The following ELAPOR2 variants were observed in gnomAD, a reference collection of about 807,000 sequenced individuals.
ELAPOR2 encodes endosome-lysosome associated apoptosis and autophagy regulator family member 2, also known as endosome/lysosome-associated apoptosis and autophagy regulator family member 2.
A neutral mutation model predicts 120.7 loss-of-function variants in ELAPOR2; 89 were observed. That is an observed-to-expected ratio of 0.74 (90% CI 0.62 to 0.88). The LOEUF (loss-of-function observed/expected upper bound fraction) is 0.88. Among genes scored for constraint, ELAPOR2 ranks in the 40% least tolerant of loss-of-function variants. ELAPOR2 has a pLI of 0.00. For missense variants in ELAPOR2, 1,134 were observed against 1,251.6 expected, an observed-to-expected ratio of 0.91 and a Z score of 1.42; for synonymous variants, 444 against 444.9, an observed-to-expected ratio of 1.00 and a Z score of 0.03.
chr7:86,893,214 T>A, intron 19 of ELAPOR2, 114 bp from the exon 20 acceptor site: 3 of 791,100 alleles, frequency 3.8e-6, no homozygotes, highest in Non-Finnish European at 5.8e-6. Flanking sequence ...GAAAGGGTTT[T>A]GCTAACCCTT....
At chr7:87,050,979 T>G (rs1278885781) in intron 1 of ELAPOR2, among the ~76,000 whole-genome samples, 3 of 152,176 alleles carry the variant, frequency 2.0e-5, no homozygotes, top group African/African-American at 7.2e-5. Flanking sequence ...GGGGAAAATG[T>G]CAGGAGTTCA....
intron 1 of ELAPOR2, chr7:86,965,680 C>T: frequency 3.0e-6 from 1 of 333,520 alleles, no homozygotes; most frequent in South Asian, 1.2e-4. Flanking sequence ...TCACAATGAC[C>T]TCCCTTGGTC....
chr7:86,955,919 G>T (rs958779087), intron 2 of ELAPOR2, among the ~76,000 whole-genome samples: 8 of 142,778 alleles, frequency 5.6e-5, no homozygotes, highest in African/African-American at 2.1e-4. Context: ...CTGTCTTCAA[G>T]TGAAAAATAA....
chr7:86,905,073 AG>A (rs1788914688), intron 18 of ELAPOR2, among the ~76,000 whole-genome samples: 4 of 52,078 alleles, frequency 7.7e-5, no homozygotes, highest in Non-Finnish European at 1.2e-4. Context: ...GAGAGAGAGA[AG>A]GAAGGAAGGA....
Position 86,945,065 on chromosome 7 carries a change from G to A in ELAPOR2, c.507-19C>T. The A allele has an allele frequency of 6.5e-7, 1 of 1,545,208 alleles. No homozygotes were observed. The highest frequency in any genetic ancestry group is 1.4e-5 in the African/African-American group (1 of 72,768). ...AGAAGAGCTGTGGAAACAAAACCAA[G>A]AAGCACTTTACATTAATGTTCTGAA... is the stretch of plus-strand genomic sequence containing the variant. On this transcript the variant is annotated intron_variant, in intron 3 of 21. Transcript: ENST00000450689.
Position 86,899,904 on chromosome 7 carries a change from T to G in ELAPOR2, c.2559-2272A>C, listed in dbSNP as rs180998383. Among the ~76,000 whole-genome samples the G allele has an allele frequency of 5.6e-3, 842 of 151,052 alleles. 6 individuals carry two copies. Among genetic ancestry groups the G allele is most frequent in the Non-Finnish European group, 7.6e-3 (514 of 67,634 alleles). ...TTCAGACTGAAACAAAGATAGGTGGTTTTTTTTTAAAGTAAGTACAATAGA... is the reference window on the plus strand; with the variant it reads ...TTCAGACTGAAACAAAGATAGGTGGGTTTTTTTTAAAGTAAGTACAATAGA... On this transcript the variant is annotated intron_variant, in intron 18 of 21. Coordinates refer to ENST00000450689, the MANE Select transcript of ELAPOR2 (RefSeq NM_001142749.3).
chr7:87,016,090 C>A (rs1793857354), intron 1 of ELAPOR2, among the ~76,000 whole-genome samples: 1 of 152,066 alleles, frequency 6.6e-6, no homozygotes, highest in Admixed American at 6.6e-5. Flanking sequence ...ACAAACAAAT[C>A]TAAATACTTG....
At chr7:87,023,485 A>T (rs1038791938) in intron 1 of ELAPOR2, among the ~76,000 whole-genome samples, 1 of 152,114 alleles carries the variant, frequency 6.6e-6, no homozygotes, top group African/African-American at 2.4e-5. Context: ...GTATAGCTTG[A>T]AGTCAGGTAG....
In ELAPOR2 at chr7:86,909,920, T is replaced by C. The variant is rs747066204; in HGVS notation, c.2251A>G (p.Asn751Asp). Reference protein sequence around the residue: ...EIVAGSDDYTNLVGAFVCQST... With the variant: ...EIVAGSDDYTDLVGAFVCQST... Reference sequence around the variant, plus strand: ...TGGCATACAAATGCCCCTACCAAATTTGTGTAATCATCTGACCCTGCCACT... The same window carrying C: ...TGGCATACAAATGCCCCTACCAAATCTGTGTAATCATCTGACCCTGCCACT... Residue 751 changes from asparagine (N) to aspartate (D), a missense_variant, in exon 16 of 22, where the codon AAT becomes GAT. Transcript: ENST00000450689. The C allele has an allele frequency of 3.4e-5, 55 of 1,613,338 alleles. No individual in the cohort carries two copies. The highest frequency in any genetic ancestry group is 2.8e-4 in the Admixed American group (17 of 59,952).
intron 2 of ELAPOR2, 118 bp from the exon 3 acceptor site, chr7:86,948,040 C>G: frequency 1.4e-6 from 1 of 693,760 alleles, no homozygotes; most frequent in East Asian, 2.7e-5. Context: ...AAACGAAAGC[C>G]TTTCAAATTC....
intron 5 of ELAPOR2, 55 bp downstream of exon 5, chr7:86,941,963 G>GA (rs999348134): frequency 2.8e-6 from 3 of 1,060,546 alleles, no homozygotes; most frequent in Non-Finnish European, 4.3e-6. Context: ...AAAGGTTGGG[G>GA]AAAAAAAGAA....
intron 2 of ELAPOR2, among the ~76,000 whole-genome samples, chr7:86,963,724 T>C (rs1482704582): frequency 6.6e-6 from 1 of 152,196 alleles, no homozygotes; most frequent in Non-Finnish European, 1.5e-5. Context: ...CAGGCTCTGT[T>C]TCCCTTTCAA....
intron 19 of ELAPOR2, among the ~76,000 whole-genome samples, chr7:86,896,014 C>T (rs1788419985): frequency 6.6e-6 from 1 of 152,066 alleles, no homozygotes; most frequent in South Asian, 2.1e-4. Context: ...TAAAAAGAAA[C>T]TGTCTCAGCA....
chr7:87,003,239 A>G (rs1054401721), intron 1 of ELAPOR2, among the ~76,000 whole-genome samples: 2 of 151,964 alleles, frequency 1.3e-5, no homozygotes, highest in African/African-American at 4.8e-5. Flanking sequence ...CTAAACCCAC[A>G]CTTTTCCCAA....
At position 86,914,117 on chromosome 7, in the gene ELAPOR2, T is replaced by A. The variant is rs542070655; in HGVS notation, c.1731+606A>T. ...CTTTTGAACAAGTGGTTTATCTTGT[T>A]CTCACCTTGGGAAGGTTACATCTAT... On this transcript the variant is annotated intron_variant, in intron 13 of 21. Coordinates refer to ENST00000450689, the MANE Select transcript of ELAPOR2 (RefSeq NM_001142749.3). Among the ~76,000 whole-genome samples the A allele has an allele frequency of 5.3e-5, 8 of 152,284 alleles. 1 individual carries two copies. The highest frequency in any genetic ancestry group is 1.7e-4 in the African/African-American group (7 of 41,558).
chr7:87,026,975 A>C lies in ELAPOR2; in HGVS notation c.189+32350T>G, dbSNP rs559888816. Among the ~76,000 whole-genome samples the C allele has an allele frequency of 1.2e-4, 18 of 152,234 alleles. No homozygotes were observed. In the South Asian group the frequency reaches 3.7e-3, roughly 32 times the overall value. On this transcript the variant is annotated intron_variant, in intron 1 of 21. Coordinates refer to ENST00000450689, the MANE Select transcript of ELAPOR2 (RefSeq NM_001142749.3). ...ACACCTAGATATACAAATATGAGCCAATTTCTATAATATTTTTCTTGGTGC... is the reference window on the plus strand; with the variant it reads ...ACACCTAGATATACAAATATGAGCCCATTTCTATAATATTTTTCTTGGTGC...
intron 2 of ELAPOR2, among the ~76,000 whole-genome samples, chr7:86,953,752 A>T (rs1791362965): frequency 6.6e-6 from 1 of 152,234 alleles, no homozygotes; most frequent in African/African-American, 2.4e-5. Context: ...AGAGAAACTG[A>T]ATTAAAGATA....
At chr7:87,011,157 A>C (rs1441545577) in intron 1 of ELAPOR2, among the ~76,000 whole-genome samples, 1 of 150,802 alleles carries the variant, frequency 6.6e-6, no homozygotes, top group Non-Finnish European at 1.5e-5. Context: ...AGTCCCAGCT[A>C]CTCGGGAGGC....
At chr7:86,894,318 G>A (rs1788335037) in intron 19 of ELAPOR2, among the ~76,000 whole-genome samples, 1 of 151,918 alleles carries the variant, frequency 6.6e-6, no homozygotes, top group South Asian at 2.1e-4. Flanking sequence ...ATGGTAATGT[G>A]GGAAATGCTG....
Sources: gnomAD v4.1 joint callset for allele counts (sites outside exome capture counted in the v4.1 genomes callset) on GRCh38, gnomAD v4.1.1 for gene constraint, MANE v1.5 for transcripts, NCBI Gene and HGNC (gene_info 2026-07-23, HGNC 2026-07-21) for gene names.